Variants in KLHL1 observed in about 807,000 individuals in gnomAD.
The protein encoded by KLHL1 is kelch like family member 1.
In KLHL1, 47 loss-of-function variants were observed where a neutral mutation model predicts 77.7. The ratio of observed to expected loss-of-function variants is 0.60; its 90% CI spans 0.48 to 0.77. The LOEUF (loss-of-function observed/expected upper bound fraction) is 0.77. Among genes scored for constraint, KLHL1 ranks in the 30% least tolerant of loss-of-function variants. The probability of loss-of-function intolerance (pLI) is 0.00; values close to 1 mark genes in which losing one functional copy is unlikely to be tolerated. For missense variants in KLHL1, 925 were observed against 910.8 expected (o/e 1.02, Z -0.20); for synonymous variants, 360 against 325.2 (o/e 1.11, Z -1.15).
chr13:69,863,718 T>G (rs570162751), intron 5 of KLHL1, among the ~76,000 whole-genome samples: 102 of 152,166 alleles, frequency 6.7e-4, no homozygotes, highest in African/African-American at 2.4e-3. Flanking sequence ...GTCTATTGGA[T>G]GATGCAAAAA....
intron 1 of KLHL1, among the ~76,000 whole-genome samples, chr13:70,101,555 A>G (rs1339405397): frequency 6.6e-6 from 1 of 152,072 alleles, no homozygotes; most frequent in Non-Finnish European, 1.5e-5. Flanking sequence ...CAGCCTCCCA[A>G]GGAGCTGGGA....
chr13:69,987,563 G>T (rs1403283118), intron 1 of KLHL1, among the ~76,000 whole-genome samples: 1 of 151,870 alleles, frequency 6.6e-6, no homozygotes, highest in African/African-American at 2.4e-5. Flanking sequence ...GGAGGGTGGA[G>T]TAAAGGGAAT....
intron 1 of KLHL1, among the ~76,000 whole-genome samples, chr13:69,982,381 A>T (rs1370831748): frequency 6.6e-6 from 1 of 150,712 alleles, no homozygotes; most frequent in Non-Finnish European, 1.5e-5. Context: ...GGGTGCAGTG[A>T]GCCAAGATTG....
At chr13:70,001,778 C>A (rs9542154) in intron 1 of KLHL1, among the ~76,000 whole-genome samples, 25,162 of 150,996 alleles carry the variant, frequency 0.17, 2,200 homozygotes, top group East Asian at 0.19. Flanking sequence ...GTCAGTAGAC[C>A]ATGAAATCAA....
chr13:70,084,349 T>C (rs1219814532), intron 1 of KLHL1, among the ~76,000 whole-genome samples: 1 of 152,174 alleles, frequency 6.6e-6, no homozygotes, highest in Admixed American at 6.5e-5. Context: ...AATCTGATCC[T>C]TTTCGAGTTG....
At chr13:70,106,865 C>G (rs998223515) in intron 1 of KLHL1, among the ~76,000 whole-genome samples, 2 of 151,946 alleles carry the variant, frequency 1.3e-5, no homozygotes, top group African/African-American at 2.4e-5. Flanking sequence ...GATAATGGAA[C>G]GACTGATATA....
At chr13:69,948,353 C>T (rs1241782656) in intron 3 of KLHL1, among the ~76,000 whole-genome samples, 1 of 152,034 alleles carries the variant, frequency 6.6e-6, no homozygotes, top group African/African-American at 2.4e-5. Flanking sequence ...AGAAATTTTT[C>T]TCCATGCTGC....
intron 5 of KLHL1, among the ~76,000 whole-genome samples, chr13:69,876,635 C>T (rs1234380998): frequency 6.6e-6 from 1 of 152,086 alleles, no homozygotes; most frequent in African/African-American, 2.4e-5. Flanking sequence ...AATGTACATG[C>T]ACATAAACAC....
At chr13:69,877,730 AAT>A (rs1880821554) in intron 5 of KLHL1, among the ~76,000 whole-genome samples, 1 of 152,096 alleles carries the variant, frequency 6.6e-6, no homozygotes, top group Non-Finnish European at 1.5e-5. Flanking sequence ...ATTATATTTC[AAT>A]AGAGGACAGA....
chr13:69,756,926 T>C (rs1360316668), intron 7 of KLHL1, among the ~76,000 whole-genome samples: 1 of 152,136 alleles, frequency 6.6e-6, no homozygotes, highest in Non-Finnish European at 1.5e-5. Flanking sequence ...TTTGCAAATA[T>C]CATCAACTTT....
Position 69,765,663 on chromosome 13 carries a change from G to T in KLHL1, c.1640-25107C>A, listed in dbSNP as rs565693753. 6.8e-4 allele frequency among the ~76,000 whole-genome samples: 103 copies of T among 152,254 alleles called. 1 individual carries two copies. The highest frequency in any genetic ancestry group is 1.2e-3 in the Non-Finnish European group (79 of 68,008). On this transcript the variant is annotated intron_variant, in intron 7 of 10. Transcript: ENST00000377844. Reference sequence around the variant, plus strand: ...TTTAGCTGGCTATATAGCCATACAGGAAGATAAAAGATAGAATTTTTAGTC... The same window carrying T: ...TTTAGCTGGCTATATAGCCATACAGTAAGATAAAAGATAGAATTTTTAGTC...
chr13:69,784,307 A>ATGAC (rs1876395116), intron 7 of KLHL1, among the ~76,000 whole-genome samples: 1 of 150,856 alleles, frequency 6.6e-6, no homozygotes, highest in African/African-American at 2.5e-5. Context: ...TAACATCATA[A>ATGAC]TGACAGGACC....
At chr13:69,788,278 T>A (rs1423728728) in intron 7 of KLHL1, among the ~76,000 whole-genome samples, 1 of 152,196 alleles carries the variant, frequency 6.6e-6, no homozygotes, top group African/African-American at 2.4e-5. Flanking sequence ...TCATCAATGA[T>A]AGACTGGATT....
chr13:69,967,639 AC>A (rs1884252988), intron 2 of KLHL1, among the ~76,000 whole-genome samples: 1 of 152,126 alleles, frequency 6.6e-6, no homozygotes, highest in Admixed American at 6.5e-5. Flanking sequence ...TGAAATCTAA[AC>A]TTTTTGGGAG....
At chr13:70,077,267 T>C (rs936249228) in intron 1 of KLHL1, among the ~76,000 whole-genome samples, 1 of 151,964 alleles carries the variant, frequency 6.6e-6, no homozygotes, top group African/African-American at 2.4e-5. Context: ...ACAAAAAGTG[T>C]AATTCAACAA....
chr13:70,022,269 T>C (rs1885818289), intron 1 of KLHL1, among the ~76,000 whole-genome samples: 1 of 134,656 alleles, frequency 7.4e-6, no homozygotes, highest in Non-Finnish European at 1.6e-5. Flanking sequence ...GGTAAGTTGA[T>C]TACGTGTGTG....
chr13:69,820,380 A>G (rs1878286169), intron 6 of KLHL1, among the ~76,000 whole-genome samples: 1 of 152,212 alleles, frequency 6.6e-6, no homozygotes, highest in Non-Finnish European at 1.5e-5. Flanking sequence ...ACAGATGCAC[A>G]TCACCGTAAA....
At chr13:69,994,735 G>A (rs1283910676) in intron 1 of KLHL1, among the ~76,000 whole-genome samples, 4 of 152,000 alleles carry the variant, frequency 2.6e-5, no homozygotes, top group Non-Finnish European at 2.9e-5. Context: ...ATCTTGTAGG[G>A]GTTAACGTAA....
chr13:69,848,210 A>T (rs1277329162), intron 5 of KLHL1, among the ~76,000 whole-genome samples: 1 of 151,552 alleles, frequency 6.6e-6, no homozygotes, highest in Non-Finnish European at 1.5e-5. Context: ...ATGTTCAAAG[A>T]CATACAGAGA....
Sources: allele counts gnomAD v4.1 joint callset (sites outside exome capture counted in the v4.1 genomes callset), GRCh38; gene constraint gnomAD v4.1.1; transcripts MANE v1.5; gene names NCBI Gene and HGNC (gene_info 2026-07-23, HGNC 2026-07-21).